RNF6: variants seen among roughly 807,000 people sequenced by gnomAD.
RNF6 encodes E3 ubiquitin-protein ligase RNF6.
In RNF6, 21 loss-of-function variants were observed where a neutral mutation model predicts 50.1. The ratio of observed to expected loss-of-function variants is 0.42; its 90% CI spans 0.30 to 0.60. The LOEUF is 0.60. Ranked by LOEUF, RNF6 falls within the 20% of genes least tolerant of loss-of-function variation. The pLI is 0.20. For synonymous variants in RNF6, 255 were observed against 291.8 expected (o/e 0.87, Z 1.29); for missense variants, 698 against 838.2 (o/e 0.83, Z 2.07).
At chr13:26,174,538 C>T (rs1872859574) in intron 5 of RNF6, among the ~76,000 whole-genome samples, 1 of 151,586 alleles carries the variant, frequency 6.6e-6, no homozygotes, top group African/African-American at 2.4e-5. Context: ...TGCCTGTAAT[C>T]CCAGCTACTC....
chr13:26,185,396 T>C (rs1182277987), intron 5 of RNF6, among the ~76,000 whole-genome samples: 1 of 152,236 alleles, frequency 6.6e-6, no homozygotes, highest in Non-Finnish European at 1.5e-5. Flanking sequence ...ATTACATTTT[T>C]ATAACTTATA....
rs562267916 is a variant in RNF6 at position 26,214,180 on chromosome 13, C to T, written c.1702G>A (p.Gly568Ser). 52 of 1,614,204 alleles carry T rather than the reference C, an allele frequency of 3.2e-5. No homozygotes were observed. In the South Asian group the frequency reaches 5.1e-4, roughly 16 times the overall value. ...TTGTTTGGATTTCGCAACTGCCTGCCACCCCTACTGTCACTGTTTCGAGTA... is the reference window on the plus strand; with the variant it reads ...TTGTTTGGATTTCGCAACTGCCTGCTACCCCTACTGTCACTGTTTCGAGTA... ...PHTRNSDSRG[G>S]RQLRNPNNLV... Residue 568 changes from glycine to serine, a missense_variant, in exon 5 of 5, where the codon GGC becomes AGC. Physicochemically the swap from Gly to Ser is moderately conservative, Grantham distance 56. Coordinates refer to ENST00000381588, the MANE Select transcript of RNF6 (RefSeq NM_005977.4).
Position 26,214,864 on chromosome 13 carries a change from A to G in RNF6, c.1018T>C (p.Ser340Pro). Residue 340 changes from serine to proline, a missense_variant, in exon 5 of 5, where the codon TCT (serine) becomes CCT (proline). Transcript: ENST00000381588. The stretch of plus-strand genomic sequence containing the variant: ...CGAGTTCTACCTCTCCTCCTAACAG[A>G]TCTTCTAGTGGTTTGCTGTACTGGT... ...SRPVQQTTRR[S>P]VRRRGRTRVF... The G allele has an allele frequency of 6.2e-7, 1 of 1,614,190 alleles. No homozygotes were observed. The highest frequency in any genetic ancestry group is 8.5e-7 in the Non-Finnish European group (1 of 1,180,040).
intron 5 of RNF6, among the ~76,000 whole-genome samples, chr13:26,184,753 C>T (rs1052557914): frequency 5.9e-5 from 9 of 152,134 alleles, no homozygotes; most frequent in African/African-American, 1.7e-4. Context: ...CAATGCCTCA[C>T]CTTACATTTT....
intron 5 of RNF6, among the ~76,000 whole-genome samples, chr13:26,174,641 T>C (rs1274887639): frequency 6.6e-6 from 1 of 151,990 alleles, no homozygotes; most frequent in East Asian, 1.9e-4. Flanking sequence ...TGAAACAAAG[T>C]TACTCACCCC....
intron 2 of RNF6, among the ~76,000 whole-genome samples, chr13:26,219,951 T>C (rs1041013297): frequency 2.2e-4 from 33 of 152,224 alleles, no homozygotes; most frequent in African/African-American, 8.0e-4. Context: ...TATCTCATTT[T>C]TGACCATGTT....
chr13:26,188,406 C>T (rs1241489213), intron 5 of RNF6, among the ~76,000 whole-genome samples: 1 of 152,142 alleles, frequency 6.6e-6, no homozygotes. Context: ...AATCTGTAGT[C>T]AAAACGCACT....
intron 5 of RNF6, among the ~76,000 whole-genome samples, chr13:26,151,970 A>C (rs1457973650): frequency 6.6e-6 from 1 of 152,094 alleles, no homozygotes; most frequent in Non-Finnish European, 1.5e-5. Context: ...CATGTCAGTG[A>C]GCTGCTCACG....
intron 5 of RNF6, among the ~76,000 whole-genome samples, chr13:26,168,686 A>C (rs963667373): frequency 6.6e-6 from 1 of 152,240 alleles, no homozygotes; most frequent in African/African-American, 2.4e-5. Context: ...CTGCAGCAAG[A>C]AGGCACAGAG....
intron 5 of RNF6, among the ~76,000 whole-genome samples, chr13:26,194,482 A>G (rs1372275086): frequency 6.6e-6 from 1 of 152,198 alleles, no homozygotes; most frequent in East Asian, 1.9e-4. Context: ...ACCTCACCCT[A>G]TACCTTATCA....
chr13:26,170,050 T>C (rs1872621930), intron 5 of RNF6, among the ~76,000 whole-genome samples: 1 of 152,220 alleles, frequency 6.6e-6, no homozygotes, highest in Non-Finnish European at 1.5e-5. Context: ...TGTTTGTTTT[T>C]GATGACAAAT....
intron 5 of RNF6, among the ~76,000 whole-genome samples, chr13:26,194,967 C>G (rs1192732920): frequency 6.6e-6 from 1 of 152,146 alleles, no homozygotes; most frequent in Non-Finnish European, 1.5e-5. Context: ...TTGGCGATAC[C>G]CTCACAGATG....
At chr13:26,186,875 T>C (rs1260285956) in intron 5 of RNF6, among the ~76,000 whole-genome samples, 1 of 151,960 alleles carries the variant, frequency 6.6e-6, no homozygotes, top group African/African-American at 2.4e-5. Context: ...CCTCCCAGGT[T>C]CACGCCATTC....
chr13:26,174,228 C>T (rs1872842680), intron 5 of RNF6, among the ~76,000 whole-genome samples: 1 of 152,096 alleles, frequency 6.6e-6, no homozygotes, highest in African/African-American at 2.4e-5. Flanking sequence ...GTGCCTGTCT[C>T]ACAGGATTTC....
intron 5 of RNF6, among the ~76,000 whole-genome samples, chr13:26,137,032 C>T (rs1178307381): frequency 6.6e-6 from 1 of 152,178 alleles, no homozygotes; most frequent in African/African-American, 2.4e-5. Flanking sequence ...AACTCACATT[C>T]TCATTACTGA....
downstream of RNF6, among the ~76,000 whole-genome samples, chr13:26,210,718 T>C (rs1269621419): frequency 2.0e-5 from 3 of 152,210 alleles, no homozygotes; most frequent in Non-Finnish European, 4.4e-5. Flanking sequence ...AGCCACGTGA[T>C]TGACTCCCTA....
chr13:26,149,981 T>TGTGTATATATATATACACA (rs1476292428), intron 5 of RNF6, among the ~76,000 whole-genome samples: 4 of 125,002 alleles, frequency 3.2e-5, no homozygotes, highest in Non-Finnish European at 4.9e-5. Flanking sequence ...GTATATATAA[T>TGTGTATATATATATACACA]GTGTATATAT....
At chr13:26,161,971 A>G (rs1872234855) in intron 5 of RNF6, among the ~76,000 whole-genome samples, 1 of 152,320 alleles carries the variant, frequency 6.6e-6, no homozygotes, top group African/African-American at 2.4e-5. Flanking sequence ...TGAGCAATTT[A>G]AACCTTTTGT....
intron 5 of RNF6, among the ~76,000 whole-genome samples, chr13:26,143,979 T>C (rs1871098412): frequency 6.6e-6 from 1 of 152,222 alleles, no homozygotes; most frequent in Non-Finnish European, 1.5e-5. Context: ...CCAGAATGTC[T>C]ATTCCAGTAA....
Sources: allele counts gnomAD v4.1 joint callset (sites outside exome capture counted in the v4.1 genomes callset), GRCh38; gene constraint gnomAD v4.1.1; transcripts MANE v1.5; gene names NCBI Gene and HGNC (gene_info 2026-07-23, HGNC 2026-07-21).